MBD5: variants seen among roughly 807,000 people sequenced by gnomAD.
The protein encoded by MBD5 is methyl-CpG binding domain protein 5.
In MBD5, 13 loss-of-function variants were observed where a neutral mutation model predicts 117.3. The ratio of observed to expected loss-of-function variants is 0.11; its 90% CI spans 0.07 to 0.18. The LOEUF (loss-of-function observed/expected upper bound fraction) is 0.18. MBD5 is among the 10% of genes least tolerant of loss of function. MBD5 has a pLI of 1.00. For synonymous variants in MBD5, 727 were observed against 766.4 expected, an observed-to-expected ratio of 0.95 and a Z score of 0.85; for missense variants, 1,879 against 2,093.8, an observed-to-expected ratio of 0.90 and a Z score of 2.00.
intron 1 of MBD5, among the ~76,000 whole-genome samples, chr2:148,082,942 G>A (rs922918798): frequency 3.9e-5 from 6 of 152,152 alleles, no homozygotes; most frequent in African/African-American, 1.4e-4. Context: ...GCCCTTGGTA[G>A]GCATGATCTC....
intron 12 of MBD5, among the ~76,000 whole-genome samples, chr2:148,507,863 T>C (rs1233484921): frequency 1.3e-5 from 2 of 151,984 alleles, no homozygotes; most frequent in Non-Finnish European, 2.9e-5. Flanking sequence ...TCTCTGGAGG[T>C]TTTTCATTAA....
chr2:148,144,766 G>C (rs1444281745), intron 1 of MBD5, among the ~76,000 whole-genome samples: 2 of 152,082 alleles, frequency 1.3e-5, no homozygotes, highest in Non-Finnish European at 2.9e-5. Context: ...GTAGATGTGT[G>C]GTATTATTTC....
At chr2:148,438,937 A>G (rs1254178250) in intron 4 of MBD5, among the ~76,000 whole-genome samples, 1 of 152,192 alleles carries the variant, frequency 6.6e-6, no homozygotes, top group Non-Finnish European at 1.5e-5. Context: ...ACCATCACAG[A>G]TACACTAAAA....
At chr2:148,326,740 G>A (rs1702463089) in intron 3 of MBD5, among the ~76,000 whole-genome samples, 2 of 152,052 alleles carry the variant, frequency 1.3e-5, no homozygotes, top group South Asian at 4.2e-4. Flanking sequence ...CTCTGCCTGT[G>A]AGATGGGTTT....
At chr2:148,440,349 G>A (rs1313227407) in intron 4 of MBD5, among the ~76,000 whole-genome samples, 5 of 152,044 alleles carry the variant, frequency 3.3e-5, no homozygotes, top group African/African-American at 9.7e-5. Flanking sequence ...AATACATCTG[G>A]TTCAACAAGT....
chr2:148,369,895 AATAG>A (rs575892708), intron 4 of MBD5, among the ~76,000 whole-genome samples: 152 of 152,306 alleles, frequency 1.0e-3, no homozygotes, highest in Non-Finnish European at 2.0e-3. Flanking sequence ...GGGGATGTAT[AATAG>A]ATAGCTATTT....
At chr2:148,317,739 T>C (rs956549139) in intron 3 of MBD5, among the ~76,000 whole-genome samples, 1 of 151,782 alleles carries the variant, frequency 6.6e-6, no homozygotes, top group African/African-American at 2.4e-5. Context: ...TTATTTCACT[T>C]AGCTGTAATG....
chr2:148,248,171 C>G (rs551089330), intron 3 of MBD5, among the ~76,000 whole-genome samples: 12 of 152,278 alleles, frequency 7.9e-5, no homozygotes, highest in African/African-American at 2.9e-4. Flanking sequence ...AAGGTCCCGT[C>G]AGTACGGACG....
At chr2:148,049,691 T>A (rs1381009389) in intron 1 of MBD5, among the ~76,000 whole-genome samples, 1 of 152,170 alleles carries the variant, frequency 6.6e-6, no homozygotes, top group Non-Finnish European at 1.5e-5. Flanking sequence ...AAAGAAACCC[T>A]ATACCTGTTA....
At chr2:148,341,638 G>A (rs766509213) in intron 3 of MBD5, among the ~76,000 whole-genome samples, 2 of 151,836 alleles carry the variant, frequency 1.3e-5, no homozygotes, top group African/African-American at 4.8e-5. Flanking sequence ...TAGTGGTGAC[G>A]GTGATAAGAC....
chr2:148,034,925 A>G (rs1694147493), intron 1 of MBD5, among the ~76,000 whole-genome samples: 2 of 152,212 alleles, frequency 1.3e-5, no homozygotes, highest in South Asian at 4.1e-4. Flanking sequence ...TTTCAGAGAC[A>G]TTCCTGGGTT....
intron 3 of MBD5, among the ~76,000 whole-genome samples, chr2:148,286,081 T>C (rs1283452820): frequency 6.6e-6 from 1 of 152,176 alleles, no homozygotes; most frequent in East Asian, 1.9e-4. Context: ...ATTGAAAGAA[T>C]TTACAGTTAT....
intron 4 of MBD5, among the ~76,000 whole-genome samples, chr2:148,357,626 C>T (rs1233392931): frequency 6.6e-6 from 1 of 151,832 alleles, no homozygotes; most frequent in Non-Finnish European, 1.5e-5. Flanking sequence ...CTCCCCTAAC[C>T]CACCTTTTTT....
At chr2:148,034,424 A>T (rs1276656411) in intron 1 of MBD5, among the ~76,000 whole-genome samples, 1 of 152,194 alleles carries the variant, frequency 6.6e-6, no homozygotes, top group Non-Finnish European at 1.5e-5. Flanking sequence ...AAAAACCCAA[A>T]AGGCTGCTTC....
intron 4 of MBD5, among the ~76,000 whole-genome samples, chr2:148,413,590 C>A (rs1705332865): frequency 6.7e-6 from 1 of 150,196 alleles, no homozygotes; most frequent in Non-Finnish European, 1.5e-5. Flanking sequence ...AGCTGTTAAT[C>A]CATCTGGTCC....
At chr2:148,159,728 G>A (rs568392039) in intron 1 of MBD5, among the ~76,000 whole-genome samples, 5 of 152,212 alleles carry the variant, frequency 3.3e-5, no homozygotes, top group South Asian at 2.1e-4. Flanking sequence ...TGCCTCTTCC[G>A]TGACAATTCC....
chr2:148,114,776 A>G (rs1696589384), intron 1 of MBD5, among the ~76,000 whole-genome samples: 1 of 152,188 alleles, frequency 6.6e-6, no homozygotes, highest in Non-Finnish European at 1.5e-5. Context: ...TTTTACCAAT[A>G]TATAAAAGCT....
chr2:148,327,596 C>T (rs1199015271), intron 3 of MBD5, among the ~76,000 whole-genome samples: 1 of 151,582 alleles, frequency 6.6e-6, no homozygotes, highest in East Asian at 1.9e-4. Flanking sequence ...TTCATTTCAT[C>T]TTCCATCGCT....
In MBD5 at chr2:148,145,842, C is replaced by T. The variant is rs13404496; in HGVS notation, c.-924-32858C>T. 1.0e-2 allele frequency among the ~76,000 whole-genome samples: 1,517 copies of T among 152,170 alleles called. 27 individuals carry two copies. Among genetic ancestry groups the T allele is most frequent in the African/African-American group, 0.034 (1,429 of 41,516 alleles). ...AAGGTTTTTGATGTGCTGCTGGATT[C>T]GGTTTGCCAGTATTTTATTGAGGAT... On this transcript the variant is annotated intron_variant, in intron 1 of 13. Coordinates refer to ENST00000642680, the MANE Select transcript of MBD5 (RefSeq NM_001378120.1).
Sources: gnomAD v4.1 joint callset for allele counts (sites outside exome capture counted in the v4.1 genomes callset) on GRCh38, gnomAD v4.1.1 for gene constraint, MANE v1.5 for transcripts, NCBI Gene and HGNC (gene_info 2026-07-23, HGNC 2026-07-21) for gene names.